C19orf38: variants seen among roughly 807,000 people sequenced by gnomAD.
C19orf38 encodes protein HIDE1.
Under a neutral mutation model 26.6 loss-of-function variants are expected in C19orf38, and 14 were observed. The observed-to-expected ratio is 0.53, with a 90% confidence interval of 0.35 to 0.82. C19orf38 has a LOEUF of 0.82. C19orf38 is among the 40% of genes least tolerant of loss of function. The pLI, the probability that C19orf38 is intolerant of heterozygous loss-of-function variation, is 0.01. For synonymous variants in C19orf38, 132 were observed against 128.5 expected, an observed-to-expected ratio of 1.03 and a Z score of -0.18; for missense variants, 261 against 299.5, an observed-to-expected ratio of 0.87 and a Z score of 0.95.
chr19:10,866,357 ATTTTTTTT>A (rs71164128), intron 6 of C19orf38, among the ~76,000 whole-genome samples: 30 of 125,642 alleles, frequency 2.4e-4, no homozygotes, highest in Admixed American at 1.6e-3. Context: ...TGCCCAGCTA[ATTTTTTTT>A]TTTTTTTTTT....
intron 6 of C19orf38, among the ~76,000 whole-genome samples, chr19:10,867,019 AC>A (rs1568340432): frequency 6.6e-6 from 1 of 151,556 alleles, no homozygotes; most frequent in African/African-American, 2.4e-5. Context: ...CAGACTCCTG[AC>A]CTCAAGTGAT....
At chr19:10,837,159 C>T (rs2073438706) in intron 1 of C19orf38, among the ~76,000 whole-genome samples, 1 of 152,214 alleles carries the variant, frequency 6.6e-6, no homozygotes, top group South Asian at 2.1e-4. Context: ...TGAGTGCTTG[C>T]TTCCGCAGTG....
chr19:10,838,621 G>A (rs1232004064), intron 1 of C19orf38, among the ~76,000 whole-genome samples: 1 of 152,028 alleles, frequency 6.6e-6, no homozygotes, highest in Non-Finnish European at 1.5e-5. Flanking sequence ...ACAAGGACCA[G>A]GACACACAAA....
In C19orf38 at chr19:10,869,337, C is replaced by T. The variant is rs930178239; in HGVS notation, c.663C>T (p.Pro221=). The T allele has an allele frequency of 5.2e-6, 8 of 1,551,190 alleles. No individual in the cohort carries two copies. The highest frequency in any genetic ancestry group is 4.9e-5 in the East Asian group (2 of 40,920). The part of the protein sequence containing the change: ...PTSTSSSPET[P]EFSTFRACQ ...CCACGTCCTCCTCGCCTGAGACCCC[C>T]GAATTCAGCACTTTCCGGGCCTGCC... Residue 221 remains proline, a synonymous_variant, in exon 7 of 7, where the codon CCC becomes CCT. Transcript: ENST00000397820.
At chr19:10,838,686 TAC>T (rs2073456451) in intron 1 of C19orf38, among the ~76,000 whole-genome samples, 1 of 152,088 alleles carries the variant, frequency 6.6e-6, no homozygotes, top group South Asian at 2.1e-4. Context: ...AGCTCTCTGC[TAC>T]AGAGAGGAGT....
chr19:10,844,883 G>C (rs2073504931), upstream of C19orf38, among the ~76,000 whole-genome samples: 1 of 137,854 alleles, frequency 7.3e-6, no homozygotes, highest in Non-Finnish European at 1.6e-5. Context: ...GGCTGGGCGT[G>C]GTGGTGGCTT....
chr19:10,855,908 C>T (rs2073620423), intron 2 of C19orf38, among the ~76,000 whole-genome samples: 1 of 152,128 alleles, frequency 6.6e-6, no homozygotes, highest in Non-Finnish European at 1.5e-5. Flanking sequence ...AAGTAATCCA[C>T]CTGCCTCAGC....
intron 6 of C19orf38, among the ~76,000 whole-genome samples, chr19:10,864,130 G>A (rs1056392013): frequency 2.6e-5 from 4 of 151,212 alleles, no homozygotes; most frequent in Non-Finnish European, 5.9e-5. Context: ...GTGTGATCTC[G>A]GCTCACACAA....
At position 10,856,329 on chromosome 19, in the gene C19orf38, G is replaced by C; in HGVS notation, c.405G>C (p.Leu135=). 2.6e-6 allele frequency: 4 copies of C among 1,551,208 alleles called. No homozygotes were observed. The highest frequency in any genetic ancestry group is 3.5e-6 in the Non-Finnish European group (4 of 1,146,674). The change falls in exon 3 of 7, where the codon CTG becomes CTC. Residue 135 remains leucine (L), a synonymous_variant. Transcript: ENST00000397820. ...GTGCCCTCTTCCTCCTTGCTGGGCT[G>C]GTGGCTGTTGCCCTGGTGGTCAGAA... The part of the protein sequence containing the change: ...LAGALFLLAG[L]VAVALVVRKV...
intron 2 of C19orf38, among the ~76,000 whole-genome samples, chr19:10,852,670 G>A (rs2073584795): frequency 6.6e-6 from 1 of 152,202 alleles, no homozygotes; most frequent in Non-Finnish European, 1.5e-5. Context: ...GTGTGTCTGA[G>A]GAGCCCAGTA....
chr19:10,854,172 C>T (rs747207936), intron 2 of C19orf38, among the ~76,000 whole-genome samples: 1 of 151,714 alleles, frequency 6.6e-6, no homozygotes. Flanking sequence ...AAGCGATTCT[C>T]GTGCCTCAGC....
At chr19:10,850,622 C>A in intron 2 of C19orf38, 55 bp downstream of exon 2, 4 of 1,510,162 alleles carry the variant, frequency 2.6e-6, no homozygotes, top group Non-Finnish European at 3.6e-6. Flanking sequence ...TCACATGGAC[C>A]TCTTGTGTGT....
At position 10,862,899 on chromosome 19, in the gene C19orf38, G is replaced by T. The variant is rs915611265; in HGVS notation, c.506-271G>T. ...CCTGGGGAGGAGGAGGAGCTGGCAG[G>T]TGCTCCTTCTGGAAGGCCTGAGATA... On this transcript the variant is annotated intron_variant, in intron 5 of 6. Transcript: ENST00000397820. Among the ~76,000 whole-genome samples, 11 of 151,978 alleles carry T rather than the reference G, an allele frequency of 7.2e-5. 1 individual carries two copies. The highest frequency in any genetic ancestry group is 1.3e-4 in the Non-Finnish European group (9 of 68,004).
In C19orf38 at chr19:10,841,727, T is replaced by C. The variant is rs953395098; in HGVS notation, c.-69+4957T>C. ...GTGGCTCACGCCTGTAATCCCAGCA[T>C]TTTGGGCGGCCAAGTTGGGAGGATC... On this transcript the variant is annotated intron_variant, in intron 1 of 7. Coordinates refer to the C19orf38 transcript ENST00000592854. The C allele has an allele frequency of 6.2e-6, 4 of 644,218 alleles. No individual in the cohort carries two copies. In the African/African-American group the frequency reaches 7.3e-5, roughly 12 times the overall value. The allele number at this position is 644,218 out of a possible 1,614,324, so 39.9% of individuals were successfully genotyped here.
intron 6 of C19orf38, among the ~76,000 whole-genome samples, chr19:10,865,270 C>T (rs1310773874): frequency 6.6e-6 from 1 of 152,112 alleles, no homozygotes; most frequent in Non-Finnish European, 1.5e-5. Flanking sequence ...CCTCAGCTTC[C>T]CGAGTAGCTG....
chr19:10,840,854 C>T (rs1002432085), intron 1 of C19orf38, among the ~76,000 whole-genome samples: 7 of 152,210 alleles, frequency 4.6e-5, no homozygotes, highest in African/African-American at 1.2e-4. Context: ...AAGCTGGTCT[C>T]GAACTCCTGA....
chr19:10,859,781 A>C, intron 4 of C19orf38, 134 bp from the exon 5 acceptor site: 1 of 715,606 alleles, frequency 1.4e-6, no homozygotes, highest in Non-Finnish European at 2.5e-6. Context: ...TCTGTGGGGA[A>C]GACCCATGGG....
At chr19:10,849,380 T>G (rs1251160401) in intron 1 of C19orf38, among the ~76,000 whole-genome samples, 1 of 152,072 alleles carries the variant, frequency 6.6e-6, no homozygotes, top group African/African-American at 2.4e-5. Flanking sequence ...GCCTATGCTG[T>G]TCCCTCTGTT....
chr19:10,869,728 G>T lies in C19orf38; in HGVS notation c.*361G>T, dbSNP rs2073785825. Reference sequence around the variant, plus strand: ...GTTTTTGAGCATAGGGTGCCCTTGGGTGTGTTGTGTGTCTGCCTGCTGGCT... The same window carrying T: ...GTTTTTGAGCATAGGGTGCCCTTGGTTGTGTTGTGTGTCTGCCTGCTGGCT... On this transcript the variant is annotated 3_prime_UTR_variant, in exon 7 of 7. Transcript: ENST00000397820. 1 of 232,498 alleles carries T rather than the reference G, an allele frequency of 4.3e-6. No individual in the cohort carries two copies. Among genetic ancestry groups the T allele is most frequent in the South Asian group, 9.0e-5 (1 of 11,062 alleles). 14.4% of individuals were successfully genotyped at this position (232,498 alleles called of 1,614,324 possible).
Sources: allele counts gnomAD v4.1 joint callset (sites outside exome capture counted in the v4.1 genomes callset), GRCh38; gene constraint gnomAD v4.1.1; transcripts MANE v1.5; gene names NCBI Gene and HGNC (gene_info 2026-07-23, HGNC 2026-07-21).